The following LIPA variants were observed in gnomAD, a reference collection of about 807,000 sequenced individuals.
LIPA encodes the protein lysosomal acid lipase/cholesteryl ester hydrolase.
Under a neutral mutation model 40.6 loss-of-function variants are expected in LIPA, and 26 were observed. That is an observed-to-expected ratio of 0.64 (90% confidence interval 0.47 to 0.89). The LOEUF is 0.89. Among genes scored for constraint, LIPA ranks in the 40% least tolerant of loss-of-function variants. The pLI is 0.00. For synonymous variants in LIPA, 188 were observed against 168.4 expected (o/e 1.12, Z -0.90); for missense variants, 455 against 479.6 (o/e 0.95, Z 0.48).
At chr10:89,306,922 T>C (rs1217114625) in intron 1 of LIPA, 2 of 1,614,034 alleles carry the variant, frequency 1.2e-6, no homozygotes, top group Admixed American at 3.3e-5. Context: ...CTGTGGCTCA[T>C]CTGAAGAAAG....
chr10:89,383,728 C>T, intron 2 of LIPA: 1 of 1,614,128 alleles, frequency 6.2e-7, no homozygotes, highest in Non-Finnish European at 8.5e-7. Flanking sequence ...AATGGAGTGT[C>T]CAGAGGTGGA....
intron 1 of LIPA, among the ~76,000 whole-genome samples, chr10:89,269,486 ATTCTTCTCTTCAACATTGTGCAAAGGC>A (rs1283369021): frequency 2.6e-5 from 4 of 151,806 alleles, no homozygotes; most frequent in African/African-American, 7.3e-5. Context: ...TTAATATTTT[ATTCTTCTCTTCAACATTGTGCAAAGGC>A]TTCAACATAT....
intron 2 of LIPA, chr10:89,393,480 C>T (rs1360712160): frequency 7.8e-5 from 30 of 386,244 alleles, no homozygotes. Flanking sequence ...TGCTTGTAAT[C>T]CCAGCACTTT....
chr10:89,348,689 T>G (rs1161841824), intron 2 of LIPA, among the ~76,000 whole-genome samples: 1 of 152,206 alleles, frequency 6.6e-6, no homozygotes, highest in Non-Finnish European at 1.5e-5. Flanking sequence ...CCTTGGCTGT[T>G]GTTGTAAGCT....
At chr10:89,250,790 C>T (rs1261140305) in intron 1 of LIPA, among the ~76,000 whole-genome samples, 2 of 152,086 alleles carry the variant, frequency 1.3e-5, no homozygotes, top group Non-Finnish European at 2.9e-5. Context: ...GTATGTTTTT[C>T]TCAACATACT....
intron 1 of LIPA, among the ~76,000 whole-genome samples, chr10:89,297,194 T>C (rs1009020082): frequency 3.3e-5 from 5 of 152,128 alleles, no homozygotes; most frequent in African/African-American, 9.7e-5. Flanking sequence ...AAAGGTCAAA[T>C]GAGAGAACTT....
intron 2 of LIPA, chr10:89,384,727 C>G (rs779475435): frequency 1.2e-6 from 2 of 1,605,900 alleles, no homozygotes; most frequent in East Asian, 2.2e-5. Flanking sequence ...TGACCTGAAC[C>G]CTATATTTTA....
intron 1 of LIPA, among the ~76,000 whole-genome samples, chr10:89,290,052 C>T (rs1564776850): frequency 6.6e-6 from 1 of 151,690 alleles, no homozygotes; most frequent in South Asian, 2.1e-4. Context: ...TTACCTAAAT[C>T]AATCTGGCCT....
intron 3 of LIPA, 133 bp downstream of exon 3, chr10:89,245,543 G>A: frequency 1.4e-6 from 1 of 716,514 alleles, no homozygotes; most frequent in Admixed American, 2.0e-5. Flanking sequence ...TCTTTGCCTT[G>A]CAAACCTCAA....
chr10:89,340,770 C>T (rs1268846981), intron 1 of LIPA: 2 of 152,090 alleles, frequency 1.3e-5, no homozygotes, highest in Non-Finnish European at 2.9e-5. Flanking sequence ...GACTGCCTAA[C>T]AACAAAATTT....
Position 89,341,412 on chromosome 10 carries a change from G to A in LIPA, c.-2+1199C>T, listed in dbSNP as rs116246443. The stretch of plus-strand genomic sequence containing the variant: ...TTAAAGTCAGACCTGGACAGCAAAG[G>A]TCTCTTAAACACATGGGGGAATAGC... On this transcript the variant is annotated intron_variant, in intron 1 of 5. Transcript: ENST00000282673. Among the ~76,000 whole-genome samples the A allele has an allele frequency of 4.9e-3, 743 of 152,314 alleles. 2 individuals are homozygous for A. The highest frequency in any genetic ancestry group is 0.017 in the African/African-American group (704 of 41,554).
intron 1 of LIPA, chr10:89,335,624 A>G (rs1843725583): frequency 6.6e-6 from 1 of 151,682 alleles, no homozygotes; most frequent in Non-Finnish European, 1.5e-5. Context: ...AAATACATCC[A>G]ACAATACATC....
At chr10:89,311,083 C>G (rs1353848354) in intron 1 of LIPA, among the ~76,000 whole-genome samples, 1 of 152,010 alleles carries the variant, frequency 6.6e-6, no homozygotes, top group Non-Finnish European at 1.5e-5. Context: ...CCTGGATATC[C>G]CAAGTAAATG....
chr10:89,318,092 G>A (rs567813974), intron 1 of LIPA, among the ~76,000 whole-genome samples: 16 of 152,260 alleles, frequency 1.1e-4, no homozygotes, highest in South Asian at 2.1e-4. Context: ...AGGAACAACC[G>A]GTACCAGCCA....
chr10:89,400,224 T>G (rs1416221913), intron 2 of LIPA, among the ~76,000 whole-genome samples: 1 of 152,230 alleles, frequency 6.6e-6, no homozygotes, highest in Non-Finnish European at 1.5e-5. Context: ...CATCCAACTT[T>G]GTTCTTCTTT....
upstream of LIPA, chr10:89,252,085 G>A (rs1843133710): frequency 6.6e-6 from 1 of 152,278 alleles, no homozygotes; most frequent in South Asian, 2.1e-4. Flanking sequence ...GGCTGTTTTA[G>A]GCGGCCTTCT....
intron 1 of LIPA, among the ~76,000 whole-genome samples, chr10:89,249,385 C>T (rs1389411769): frequency 6.6e-6 from 1 of 152,188 alleles, no homozygotes. Flanking sequence ...AGAACTTCTA[C>T]ATTTTTAAAA....
chr10:89,312,440 T>A (rs549699573), intron 1 of LIPA, among the ~76,000 whole-genome samples: 2 of 152,082 alleles, frequency 1.3e-5, no homozygotes, highest in Non-Finnish European at 2.9e-5. Context: ...GATGAGACCC[T>A]GTCTCAAAAA....
intron 1 of LIPA, among the ~76,000 whole-genome samples, chr10:89,250,263 C>T (rs1042748470): frequency 1.3e-5 from 2 of 151,908 alleles, no homozygotes; most frequent in African/African-American, 4.8e-5. Flanking sequence ...CCACGCCTGG[C>T]TAATTTTGTT....
Sources: allele counts gnomAD v4.1 joint callset (sites outside exome capture counted in the v4.1 genomes callset), GRCh38; gene constraint gnomAD v4.1.1; transcripts MANE v1.5; gene names NCBI Gene and HGNC (gene_info 2026-07-23, HGNC 2026-07-21).